The following ZNF160 variants were observed in gnomAD, a reference collection of about 807,000 sequenced individuals.
The protein encoded by ZNF160 is zinc finger protein 160, also known as KRAB zinc finger protein KR18.
A neutral mutation model predicts 13.1 loss-of-function variants in ZNF160; 9 were observed. That is an observed-to-expected ratio of 0.69 (90% CI 0.41 to 1.20). ZNF160 has a LOEUF of 1.20. ZNF160 is among the 50% of genes most tolerant of loss of function. The probability of loss-of-function intolerance (pLI) is 0.01; values close to 1 mark genes in which losing one functional copy is unlikely to be tolerated. For synonymous variants in ZNF160, 293 were observed against 333.2 expected (o/e 0.88, Z 1.31); for missense variants, 838 against 988.0 (o/e 0.85, Z 2.04).
Position 53,086,245 on chromosome 19 carries a change from C to T in ZNF160, c.15+17G>A. 2 of 1,581,628 alleles carry T rather than the reference C, an allele frequency of 1.3e-6. No individual in the cohort carries two copies. The highest frequency in any genetic ancestry group is 1.7e-6 in the Non-Finnish European group (2 of 1,163,106). ...AGGAAGAAATAAAAGAACAATCCACCAGGAGTATCACTTTACCTGAGTAAG... is the reference window on the plus strand; with the variant it reads ...AGGAAGAAATAAAAGAACAATCCACTAGGAGTATCACTTTACCTGAGTAAG... On this transcript the variant is annotated intron_variant, in intron 3 of 5. Transcript: ENST00000683776.
intron 2 of ZNF160, among the ~76,000 whole-genome samples, chr19:53,090,004 T>C (rs1023425341): frequency 2.0e-5 from 3 of 151,954 alleles, no homozygotes; most frequent in Admixed American, 6.6e-5. Context: ...AATCTCCACA[T>C]ATTTCTGCCT....
chr19:53,086,869 G>C (rs1196778944), intron 2 of ZNF160, among the ~76,000 whole-genome samples: 1 of 152,182 alleles, frequency 6.6e-6, no homozygotes, highest in African/African-American at 2.4e-5. Context: ...CTCCACTGAG[G>C]GGGTGAGCCC....
intron 5 of ZNF160, among the ~76,000 whole-genome samples, chr19:53,070,555 C>G (rs1031688065): frequency 6.6e-6 from 1 of 151,974 alleles, no homozygotes; most frequent in Non-Finnish European, 1.5e-5. Flanking sequence ...GGACTACAGG[C>G]GCCCGCCACC....
chr19:53,091,160 GCAACA>G (rs1329122888), intron 2 of ZNF160: 1 of 152,152 alleles, frequency 6.6e-6, no homozygotes, highest in African/African-American at 2.4e-5. Flanking sequence ...ACCAGCTCAG[GCAACA>G]CAGTGAGACT....
chr19:53,078,146 A>C (rs1454637524), intron 3 of ZNF160, among the ~76,000 whole-genome samples: 1 of 152,124 alleles, frequency 6.6e-6, no homozygotes, highest in African/African-American at 2.4e-5. Flanking sequence ...AGGCTGAGGC[A>C]GAAGAATCGC....
chr19:53,073,298 AT>A, intron 5 of ZNF160: 1 of 1,571,074 alleles, frequency 6.4e-7, no homozygotes, highest in Non-Finnish European at 8.6e-7. Flanking sequence ...TGACAGAAGG[AT>A]TTTGTTAGGT....
At chr19:53,073,338 T>C (rs2145531926) in intron 5 of ZNF160, 4 of 1,597,650 alleles carry the variant, frequency 2.5e-6, no homozygotes, top group Non-Finnish European at 3.4e-6. Context: ...AGAACAATCT[T>C]AGAAGATAGA....
Position 53,078,356 on chromosome 19 carries a change from G to A in ZNF160, c.16-3173C>T, listed in dbSNP as rs141913345. ...GCCTAGGAGGTTGAAGGTACAGTAA[G>A]CTATGATCATGCCACCATATTCCAG... is the stretch of plus-strand genomic sequence containing the variant. On this transcript the variant is annotated intron_variant, in intron 3 of 5. Coordinates refer to ENST00000683776, the MANE Select transcript of ZNF160 (RefSeq NM_001322131.2). Among the ~76,000 whole-genome samples the A allele has an allele frequency of 1.8e-3, 280 of 152,242 alleles. 1 individual carries two copies. Among genetic ancestry groups the A allele is most frequent in the Admixed American group, 3.3e-3 (51 of 15,282 alleles).
At chr19:53,078,662 T>G (rs1349421550) in intron 3 of ZNF160, among the ~76,000 whole-genome samples, 1 of 151,986 alleles carries the variant, frequency 6.6e-6, no homozygotes, top group East Asian at 1.9e-4. Flanking sequence ...CTAAGGGAAG[T>G]GTGGAACACC....
rs537476329 is a variant in ZNF160 at position 53,085,857 on chromosome 19, T to G, written c.15+405A>C. ...CCAATGAGGCAGGAAAGCTTTCCCCTTAGTGTTCTTTTCTATGCCAGTGAG... is the reference window on the plus strand; with the variant it reads ...CCAATGAGGCAGGAAAGCTTTCCCCGTAGTGTTCTTTTCTATGCCAGTGAG... On this transcript the variant is annotated intron_variant, in intron 3 of 5. Coordinates refer to ENST00000683776, the MANE Select transcript of ZNF160 (RefSeq NM_001322131.2). The G allele has an allele frequency of 7.0e-4, 377 of 541,206 alleles. 2 individuals are homozygous for G. Among genetic ancestry groups the G allele is most frequent in the African/African-American group, 6.2e-3 (326 of 52,748 alleles). The allele number at this position is 541,206 out of a possible 1,614,324, so 33.5% of individuals were successfully genotyped here. A position where few individuals can be genotyped will look rare whatever the true frequency, so the allele number is the denominator to read the frequency against.
intron 1 of ZNF160, among the ~76,000 whole-genome samples, chr19:53,092,235 A>G (rs929755113): frequency 6.6e-6 from 1 of 152,206 alleles, no homozygotes; most frequent in Non-Finnish European, 1.5e-5. Context: ...CTGTAAAATC[A>G]TCTTCAGAAA....
intron 5 of ZNF160, 81 bp from the exon 6 acceptor site, chr19:53,070,343 C>A: frequency 7.6e-7 from 1 of 1,314,442 alleles, no homozygotes; most frequent in Non-Finnish European, 1.0e-6. Flanking sequence ...CATATTCCAC[C>A]AAAAGTAATA....
chr19:53,085,117 C>A, intron 3 of ZNF160: 1 of 965,912 alleles, frequency 1.0e-6, no homozygotes, highest in Non-Finnish European at 1.2e-6. Context: ...CCATGCAGCA[C>A]CCTGTGTGGC....
intron 1 of ZNF160, among the ~76,000 whole-genome samples, chr19:53,100,326 G>A (rs1434841242): frequency 1.3e-5 from 2 of 152,220 alleles, no homozygotes; most frequent in African/African-American, 4.8e-5. Flanking sequence ...TAACAAATAA[G>A]TTGGCCGAGC....
chr19:53,097,370 G>A (rs946573073), intron 1 of ZNF160, among the ~76,000 whole-genome samples: 2 of 148,156 alleles, frequency 1.3e-5, no homozygotes, highest in African/African-American at 5.1e-5. Context: ...AAAGCCATCT[G>A]CGCCTGATTC....
At chr19:53,080,508 G>A (rs1016033702) in intron 3 of ZNF160, among the ~76,000 whole-genome samples, 1 of 152,186 alleles carries the variant, frequency 6.6e-6, no homozygotes, top group African/African-American at 2.4e-5. Flanking sequence ...CTAGGAGTAT[G>A]TCTAACCAAG....
rs562631504 is a variant in ZNF160, at chr19:53,088,619, G to A, written c.-45-2298C>T. Among the ~76,000 whole-genome samples the A allele has an allele frequency of 3.9e-5, 6 of 152,046 alleles. No homozygotes were observed. In the South Asian group the frequency reaches 1.2e-3, roughly 32 times the overall value. On this transcript the variant is annotated intron_variant, in intron 2 of 5. Transcript: ENST00000683776. ...GGTACTTATTACAGAGGGAAATGTA[G>A]TTGAAAGTATTTTTTTGTCTTAAAG...
chr19:53,084,047 T>G (rs117736965), intron 3 of ZNF160, among the ~76,000 whole-genome samples: 1 of 152,150 alleles, frequency 6.6e-6, no homozygotes, highest in African/African-American at 2.4e-5. Context: ...CATCCAACTA[T>G]GTGCTTCGAG....
intron 1 of ZNF160, among the ~76,000 whole-genome samples, chr19:53,097,398 C>T (rs1271285801): frequency 3.3e-5 from 5 of 151,610 alleles, no homozygotes; most frequent in Non-Finnish European, 7.4e-5. Context: ...CCCCGTTGCC[C>T]TCTGGACTCA....
Sources: allele counts gnomAD v4.1 joint callset (sites outside exome capture counted in the v4.1 genomes callset), GRCh38; gene constraint gnomAD v4.1.1; transcripts MANE v1.5; gene names NCBI Gene and HGNC (gene_info 2026-07-23, HGNC 2026-07-21).